The following GRM1 variants were observed in gnomAD, a reference collection of about 807,000 sequenced individuals.
GRM1 encodes the protein glutamate metabotropic receptor 1, also known as metabotropic glutamate receptor 1.
A neutral mutation model predicts 90.9 loss-of-function variants in GRM1; 33 were observed. That is an observed-to-expected ratio of 0.36 (90% CI 0.28 to 0.49). The LOEUF (loss-of-function observed/expected upper bound fraction) is 0.49, where lower values mean the gene tolerates loss of function less well. Ranked by LOEUF, GRM1 falls within the 20% of genes least tolerant of loss-of-function variation. The pLI is 0.99. For synonymous variants in GRM1, 700 were observed against 613.2 expected, an observed-to-expected ratio of 1.14 and a Z score of -2.09; for missense variants, 1,190 against 1,534.3, an observed-to-expected ratio of 0.78 and a Z score of 3.75.
chr6:146,305,501 C>T (rs1370263762), intron 3 of GRM1, among the ~76,000 whole-genome samples: 1 of 152,180 alleles, frequency 6.6e-6, no homozygotes, highest in Non-Finnish European at 1.5e-5. Flanking sequence ...AAAACTGTAA[C>T]TTTTATGAGT....
At chr6:146,247,123 A>G (rs574697461) in intron 2 of GRM1, among the ~76,000 whole-genome samples, 2 of 152,244 alleles carry the variant, frequency 1.3e-5, no homozygotes, top group Non-Finnish European at 2.9e-5. Context: ...TCTTCAGTCC[A>G]CAAGGTGTAA....
At chr6:146,136,887 C>G (rs1029857165) in intron 1 of GRM1, among the ~76,000 whole-genome samples, 5 of 117,678 alleles carry the variant, frequency 4.2e-5, no homozygotes, top group Non-Finnish European at 8.2e-5. Context: ...GAGCCTTGCT[C>G]TGTCACCCAG....
At chr6:146,292,100 T>C (rs991007935) in intron 2 of GRM1, among the ~76,000 whole-genome samples, 5 of 151,964 alleles carry the variant, frequency 3.3e-5, no homozygotes, top group Non-Finnish European at 5.9e-5. Flanking sequence ...GATATCTGTA[T>C]ACAAAATGAT....
intron 6 of GRM1, among the ~76,000 whole-genome samples, chr6:146,394,110 A>C (rs1362107954): frequency 2.0e-5 from 3 of 152,218 alleles, no homozygotes; most frequent in African/African-American, 7.2e-5. Flanking sequence ...TACAAAAATT[A>C]ACTCAAGATG....
intron 1 of GRM1, among the ~76,000 whole-genome samples, chr6:146,122,993 C>T (rs981303457): frequency 1.3e-5 from 2 of 151,556 alleles, no homozygotes; most frequent in Admixed American, 1.3e-4. Context: ...TACAGGTGCA[C>T]ACCACCACAT....
chr6:146,040,311 CACA>C (rs1791051809), intron 1 of GRM1, among the ~76,000 whole-genome samples: 1 of 151,872 alleles, frequency 6.6e-6, no homozygotes, highest in African/African-American at 2.4e-5. Context: ...ATTTATATGC[CACA>C]ACAACAGTGT....
intron 2 of GRM1, among the ~76,000 whole-genome samples, chr6:146,231,349 T>C (rs1415467245): frequency 6.6e-6 from 1 of 152,068 alleles, no homozygotes; most frequent in Non-Finnish European, 1.5e-5. Context: ...AGGAGTGGAT[T>C]TAAGGGCAAC....
At chr6:146,107,951 C>T (rs2128872716) in intron 1 of GRM1, among the ~76,000 whole-genome samples, 1 of 152,280 alleles carries the variant, frequency 6.6e-6, no homozygotes, top group East Asian at 1.9e-4. Flanking sequence ...TACTATCTAT[C>T]TCCAATTCAT....
At chr6:146,261,486 A>G (rs1172460991) in intron 2 of GRM1, among the ~76,000 whole-genome samples, 2 of 152,096 alleles carry the variant, frequency 1.3e-5, no homozygotes, top group Non-Finnish European at 2.9e-5. Flanking sequence ...ATGCTCTTTA[A>G]CATGGAGAAA....
intron 5 of GRM1, 102 bp from the exon 6 acceptor site, chr6:146,386,788 G>A: frequency 1.2e-6 from 1 of 833,524 alleles, no homozygotes. Context: ...TTCATAGTTA[G>A]TCTTTTTTTC....
At chr6:146,089,117 G>C (rs1776636495) in intron 1 of GRM1, among the ~76,000 whole-genome samples, 2 of 152,068 alleles carry the variant, frequency 1.3e-5, no homozygotes, top group African/African-American at 4.8e-5. Flanking sequence ...GCCTCTGTCT[G>C]GCTGGCAGAC....
intron 2 of GRM1, among the ~76,000 whole-genome samples, chr6:146,211,039 C>T (rs1431713374): frequency 1.3e-5 from 2 of 151,922 alleles, no homozygotes; most frequent in African/African-American, 4.8e-5. Context: ...TTATGACCTA[C>T]TCAAAGGAAT....
At chr6:146,412,120 C>T (rs1170002867) in intron 7 of GRM1, among the ~76,000 whole-genome samples, 1 of 152,208 alleles carries the variant, frequency 6.6e-6, no homozygotes, top group Non-Finnish European at 1.5e-5. Context: ...AGTCTTGTCT[C>T]CCCTTACAAG....
intron 2 of GRM1, among the ~76,000 whole-genome samples, chr6:146,266,097 G>A (rs895211919): frequency 6.6e-6 from 1 of 152,098 alleles, no homozygotes; most frequent in African/African-American, 2.4e-5. Context: ...GCTGAGGCAA[G>A]GGAATTGCTT....
intron 1 of GRM1, among the ~76,000 whole-genome samples, chr6:146,064,328 G>A (rs1775773379): frequency 6.6e-6 from 1 of 151,978 alleles, no homozygotes; most frequent in South Asian, 2.1e-4. Flanking sequence ...ACTATTACCT[G>A]GTTTTCATCT....
intron 3 of GRM1, among the ~76,000 whole-genome samples, chr6:146,328,052 G>A (rs1784455638): frequency 1.3e-5 from 2 of 152,050 alleles, no homozygotes; most frequent in Admixed American, 6.6e-5. Flanking sequence ...TTGGTCAGGG[G>A]CAGCTGCTCA....
intron 1 of GRM1, among the ~76,000 whole-genome samples, chr6:146,099,331 G>A (rs1215826299): frequency 1.3e-5 from 2 of 152,160 alleles, no homozygotes; most frequent in Admixed American, 6.5e-5. Flanking sequence ...AGGTTGCAGT[G>A]AGCCAAGATC....
rs150050950 is a variant in GRM1 at position 146,141,954 on chromosome 6, G to C, written c.701-17394G>C. Reference sequence around the variant, plus strand: ...ATAGTCTTAACGCTTGTGGAATTTTGTTGGTGGCTGGATATTGAAGAGTTA... The same window carrying C: ...ATAGTCTTAACGCTTGTGGAATTTTCTTGGTGGCTGGATATTGAAGAGTTA... On this transcript the variant is annotated intron_variant, in intron 1 of 7. Transcript: ENST00000282753. 2.6e-3 allele frequency among the ~76,000 whole-genome samples: 389 copies of C among 152,266 alleles called. 3 individuals carry two copies. The highest frequency in any genetic ancestry group is 8.6e-3 in the African/African-American group (357 of 41,556).
In GRM1 at chr6:146,399,403, G is replaced by T. The variant is rs114187147; in HGVS notation, c.2364G>T (p.Ala788=). The change falls in exon 7 of 8, where the codon GCG becomes GCT. Residue 788 remains alanine (A), a synonymous_variant. Coordinates refer to ENST00000282753, the MANE Select transcript of GRM1 (RefSeq NM_001278064.2). This position sits in a 1 kb window ranked among gnomAD's most constrained non-coding sequence, Gnocchi z 5.4. ...ACTTCAACGAGGCCAAATATATCGCGTTCACCATGTACACCACCTGTATCA... is the reference window on the plus strand; with the variant it reads ...ACTTCAACGAGGCCAAATATATCGCTTTCACCATGTACACCACCTGTATCA... ...PANFNEAKYI[A]FTMYTTCIIW... 6.2e-7 allele frequency: 1 copy of T among 1,613,970 alleles called. No homozygotes were observed. Among genetic ancestry groups the T allele is most frequent in the African/African-American group, 1.3e-5 (1 of 74,898 alleles).
Sources: gnomAD v4.1 joint callset for allele counts (sites outside exome capture counted in the v4.1 genomes callset) on GRCh38, gnomAD v4.1.1 for gene constraint, Gnocchi (gnomAD v3.1) non-coding constraint, MANE v1.5 for transcripts, NCBI Gene and HGNC (gene_info 2026-07-23, HGNC 2026-07-21) for gene names.